RPGRIP1L: variants seen among roughly 807,000 people sequenced by gnomAD.
RPGRIP1L encodes protein fantom.
RPGRIP1L carries 131 observed loss-of-function variants against 160.4 expected under a neutral mutation model. That is an observed-to-expected ratio of 0.82 (90% CI 0.71 to 0.94). The LOEUF (loss-of-function observed/expected upper bound fraction) is 0.94, where lower values mean the gene tolerates loss of function less well. Ranked by LOEUF, RPGRIP1L falls within the 40% of genes least tolerant of loss-of-function variation. RPGRIP1L has a pLI of 0.00. For missense variants in RPGRIP1L, 1,522 were observed against 1,535.8 expected (o/e 0.99, Z 0.15); for synonymous variants, 510 against 515.8 (o/e 0.99, Z 0.15).
intron 7 of RPGRIP1L, among the ~76,000 whole-genome samples, 174 bp downstream of exon 7, chr16:53,674,843 T>C (rs1303158227): frequency 1.3e-5 from 2 of 152,142 alleles, no homozygotes; most frequent in African/African-American, 4.8e-5. Context: ...GCTTGAGTTA[T>C]AAATAATAAA....
chr16:53,622,133 G>C (rs942070384), intron 23 of RPGRIP1L, 86 bp downstream of exon 23: 21 of 480,130 alleles, frequency 4.4e-5, no homozygotes, highest in Non-Finnish European at 7.8e-5. Context: ...GGGAGGCAGA[G>C]GTGGGCGGAT....
chr16:53,656,056 T>A lies in RPGRIP1L; in HGVS notation c.1699+416A>T, dbSNP rs542576157. Among the ~76,000 whole-genome samples the A allele has an allele frequency of 4.6e-5, 7 of 152,204 alleles. No individual in the cohort carries two copies. In the South Asian group the frequency reaches 1.5e-3, roughly 32 times the overall value. Reference sequence around the variant, plus strand: ...TGCACAGGTTGCTTAGAAGAGAAATTAAAAAGTGGTAGTAAATTTGAGTTT... The same window carrying A: ...TGCACAGGTTGCTTAGAAGAGAAATAAAAAAGTGGTAGTAAATTTGAGTTT... On this transcript the variant is annotated intron_variant, in intron 14 of 26. Transcript: ENST00000647211.
chr16:53,700,711 T>C lies in RPGRIP1L; in HGVS notation c.13A>G (p.Thr5Ala). The C allele has an allele frequency of 6.2e-7, 1 of 1,613,156 alleles. No individual in the cohort carries two copies. The highest frequency in any genetic ancestry group is 8.5e-7 in the Non-Finnish European group (1 of 1,179,486). ...GGCAAGTCTCCTGCAGTCTCATCAG[T>C]TGGACCAGACATGGCCTAGCTGTGG... MSGP[T>A]DETAGDLPVK... is the part of the protein sequence containing the mutation. Residue 5 changes from threonine (T) to alanine (A), a missense_variant, in exon 2 of 27, where the codon ACT (threonine) becomes GCT (alanine). Transcript: ENST00000647211.
intron 22 of RPGRIP1L, among the ~76,000 whole-genome samples, chr16:53,629,902 T>C (rs190844811): frequency 2.0e-5 from 3 of 152,352 alleles, no homozygotes; most frequent in Non-Finnish European, 4.4e-5. Flanking sequence ...GGGGCCATTG[T>C]TTGCTGACTC....
chr16:53,647,303 T>C (rs16952413), intron 16 of RPGRIP1L, among the ~76,000 whole-genome samples: 1,707 of 152,318 alleles, frequency 0.011, 17 homozygotes, highest in African/African-American at 0.029. Context: ...AAAGGGACTT[T>C]AAGGTTACAG....
At chr16:53,664,730 T>G in intron 10 of RPGRIP1L, 140 bp downstream of exon 10, 119 of 959,016 alleles carry the variant, frequency 1.2e-4, no homozygotes, top group Non-Finnish European at 1.7e-4. Flanking sequence ...ACTGAATTCA[T>G]GAGAGTGGAT....
intron 14 of RPGRIP1L, among the ~76,000 whole-genome samples, chr16:53,653,915 T>A (rs148701309): frequency 1.3e-5 from 2 of 152,200 alleles, no homozygotes; most frequent in Non-Finnish European, 2.9e-5. Context: ...CCTCTATGTA[T>A]CTAGATATCC....
At chr16:53,623,569 A>G (rs902449541) in intron 22 of RPGRIP1L, among the ~76,000 whole-genome samples, 7 of 152,084 alleles carry the variant, frequency 4.6e-5, no homozygotes, top group African/African-American at 1.7e-4. Flanking sequence ...CAGTTTTTGC[A>G]TCTGTTATTT....
chr16:53,696,110 T>C, intron 3 of RPGRIP1L, 41 bp downstream of exon 3: 1 of 1,602,296 alleles, frequency 6.2e-7, no homozygotes, highest in Non-Finnish European at 8.5e-7. Context: ...CTCCAAATTT[T>C]ACTGAGTCAA....
At chr16:53,670,282 TAAGAC>T (rs1314659579) in intron 9 of RPGRIP1L, among the ~76,000 whole-genome samples, 6 of 152,128 alleles carry the variant, frequency 3.9e-5, no homozygotes, top group Non-Finnish European at 8.8e-5. Flanking sequence ...TTATAAAAAA[TAAGAC>T]AAAGAGCTAA....
chr16:53,695,440 T>A lies in RPGRIP1L; in HGVS notation c.230+711A>T, dbSNP rs996281325. On this transcript the variant is annotated intron_variant, in intron 3 of 26. Coordinates refer to ENST00000647211, the MANE Select transcript of RPGRIP1L (RefSeq NM_015272.5). ...CCCTATTTTCATTCTTCAATGGTTG[T>A]CTCACCTTTTCTTTGAACCTAGAAC... 96 of 702,866 alleles carry A rather than the reference T, an allele frequency of 1.4e-4. No homozygotes were observed. In the African/African-American group the frequency reaches 1.6e-3, roughly 12 times the overall value. The allele number at this position is 702,866 out of a possible 1,614,324, so 43.5% of individuals were successfully genotyped here. A position where few individuals can be genotyped will look rare whatever the true frequency, so the allele number is the denominator to read the frequency against.
rs946549530 is a variant in RPGRIP1L at position 53,600,612 on chromosome 16, C to T, written c.*1464G>A. On this transcript the variant is annotated 3_prime_UTR_variant, in exon 27 of 27. Coordinates refer to ENST00000647211, the MANE Select transcript of RPGRIP1L (RefSeq NM_015272.5). ...CTAAAGACGAGAGTCATTATTGAAGCCATTAGAGCACAGATGGTTCAAACT... is the reference window on the plus strand; with the variant it reads ...CTAAAGACGAGAGTCATTATTGAAGTCATTAGAGCACAGATGGTTCAAACT... 6.6e-6 allele frequency: 1 copy of T among 152,596 alleles called. No homozygotes were observed. The highest frequency in any genetic ancestry group is 1.5e-5 in the Non-Finnish European group (1 of 68,040). 9.5% of individuals were successfully genotyped at this position (152,596 alleles called of 1,614,324 possible). A position where few individuals can be genotyped will look rare whatever the true frequency, so the allele number is the denominator to read the frequency against.
intron 2 of RPGRIP1L, among the ~76,000 whole-genome samples, chr16:53,696,518 AT>A (rs1310279943): frequency 6.6e-6 from 1 of 152,228 alleles, no homozygotes; most frequent in Non-Finnish European, 1.5e-5. Context: ...AGGAATTTGA[AT>A]AACAATAGTA....
At chr16:53,606,158 T>C (rs1169215223) in intron 25 of RPGRIP1L, among the ~76,000 whole-genome samples, 1 of 152,238 alleles carries the variant, frequency 6.6e-6, no homozygotes, top group African/African-American at 2.4e-5. Flanking sequence ...CCAACAGCTA[T>C]ATCAAATGTT....
At chr16:53,697,881 G>A (rs538202816) in intron 2 of RPGRIP1L, among the ~76,000 whole-genome samples, 307 of 150,766 alleles carry the variant, frequency 2.0e-3, no homozygotes, top group African/African-American at 6.7e-3. Context: ...AGTGAGGAGC[G>A]TCTCTGCCCG....
intron 14 of RPGRIP1L, chr16:53,653,320 C>T (rs1966952487): frequency 8.8e-7 from 1 of 1,137,954 alleles, no homozygotes; most frequent in Middle Eastern, 4.0e-4. Context: ...GTCTCTGCTC[C>T]ACCCATTGTC....
At chr16:53,647,754 T>C (rs909778934) in intron 16 of RPGRIP1L, among the ~76,000 whole-genome samples, 2 of 152,204 alleles carry the variant, frequency 1.3e-5, no homozygotes, top group African/African-American at 4.8e-5. Flanking sequence ...ATGTTTCTAC[T>C]ATATCTTATC....
intron 6 of RPGRIP1L, among the ~76,000 whole-genome samples, chr16:53,680,003 C>A (rs1373641529): frequency 1.3e-5 from 2 of 152,124 alleles, no homozygotes; most frequent in African/African-American, 4.8e-5. Context: ...AAGTTAAATT[C>A]TTCCCACTCT....
At chr16:53,675,167 G>A (rs1043548192) in intron 6 of RPGRIP1L, 45 bp from the exon 7 acceptor site, 15 of 1,324,808 alleles carry the variant, frequency 1.1e-5, no homozygotes, top group East Asian at 4.6e-5. Flanking sequence ...AGTAAAAAAC[G>A]CAAGTTAGAA....
Sources: gnomAD v4.1 joint callset for allele counts (sites outside exome capture counted in the v4.1 genomes callset) on GRCh38, gnomAD v4.1.1 for gene constraint, MANE v1.5 for transcripts, NCBI Gene and HGNC (gene_info 2026-07-23, HGNC 2026-07-21) for gene names.